CNGA1: variants seen among roughly 807,000 people sequenced by gnomAD.
The protein encoded by CNGA1 is cyclic nucleotide-gated channel alpha-1.
A neutral mutation model predicts 69.7 loss-of-function variants in CNGA1; 53 were observed. The ratio of observed to expected loss-of-function variants is 0.76; its 90% CI spans 0.61 to 0.96. The LOEUF is 0.96. CNGA1 is among the 40% of genes least tolerant of loss of function. CNGA1 has a pLI of 0.00. For synonymous variants in CNGA1, 249 were observed against 283.5 expected (o/e 0.88, Z 1.22); for missense variants, 739 against 811.2 (o/e 0.91, Z 1.08).
chr4:47,967,597 T>C (rs1369640507), intron 3 of CNGA1, among the ~76,000 whole-genome samples: 2 of 152,196 alleles, frequency 1.3e-5, no homozygotes, highest in African/African-American at 4.8e-5. Context: ...AATAAGTGAA[T>C]TTAGCAAGGT....
intron 8 of CNGA1, 29 bp from the exon 9 acceptor site, chr4:47,942,177 G>A (rs749622944): frequency 1.5e-6 from 2 of 1,328,806 alleles, no homozygotes; most frequent in African/African-American, 1.4e-5. Context: ...AAAGGGGATA[G>A]TTACCAAGAT....
intron 3 of CNGA1, among the ~76,000 whole-genome samples, chr4:47,969,301 T>C (rs745479095): frequency 6.6e-6 from 1 of 151,432 alleles, no homozygotes; most frequent in African/African-American, 2.4e-5. Flanking sequence ...GACAAATTTC[T>C]GGAGGCATGA....
chr4:47,968,481 C>T (rs1385048218), intron 3 of CNGA1, among the ~76,000 whole-genome samples: 1 of 151,880 alleles, frequency 6.6e-6, no homozygotes, highest in African/African-American at 2.4e-5. Context: ...AAACGGCTAA[C>T]ATCAGGTGGT....
At chr4:47,968,422 G>T (rs1391774695) in intron 3 of CNGA1, among the ~76,000 whole-genome samples, 1 of 152,092 alleles carries the variant, frequency 6.6e-6, no homozygotes, top group South Asian at 2.1e-4. Flanking sequence ...AATCAGGTGT[G>T]CTAACACAGT....
At position 47,982,824 on chromosome 4, in the gene CNGA1, A is replaced by C. The variant is rs75767840; in HGVS notation, c.-122-1324T>G. Among the ~76,000 whole-genome samples the C allele has an allele frequency of 9.0e-3, 1,370 of 152,102 alleles. 16 individuals are homozygous for C. Among genetic ancestry groups the C allele is most frequent in the African/African-American group, 0.03 (1,256 of 41,492 alleles). ...TTCAAAATGAACATTCTTTTTTTTA[A>C]GATGGAGTCTCGCTCTTTCGCCCAG... On this transcript the variant is annotated intron_variant, in intron 2 of 10. Coordinates refer to ENST00000514170, the MANE Select transcript of CNGA1 (RefSeq NM_001379270.1).
At chr4:47,966,511 T>C (rs1390377845) in intron 3 of CNGA1, among the ~76,000 whole-genome samples, 1 of 152,174 alleles carries the variant, frequency 6.6e-6, no homozygotes, top group East Asian at 1.9e-4. Context: ...GTAAGGCACA[T>C]AAATCTACAG....
chr4:47,950,770 A>G (rs967457257), intron 5 of CNGA1, among the ~76,000 whole-genome samples: 1 of 152,194 alleles, frequency 6.6e-6, no homozygotes, highest in Non-Finnish European at 1.5e-5. Flanking sequence ...CGGTATCTGA[A>G]GTTTTCACAA....
intron 3 of CNGA1, among the ~76,000 whole-genome samples, chr4:47,979,661 C>T (rs1741598387): frequency 6.6e-6 from 1 of 152,100 alleles, no homozygotes; most frequent in Non-Finnish European, 1.5e-5. Flanking sequence ...GATGCAGTAG[C>T]TTTTTTGGAG....
chr4:47,946,985 T>G (rs1327951904), intron 6 of CNGA1, among the ~76,000 whole-genome samples: 1 of 152,114 alleles, frequency 6.6e-6, no homozygotes, highest in Non-Finnish European at 1.5e-5. Flanking sequence ...GGTTTCACCA[T>G]GTAGGTTGGC....
intron 1 of CNGA1, among the ~76,000 whole-genome samples, chr4:48,013,742 G>T (rs1170019467): frequency 6.6e-6 from 1 of 152,114 alleles, no homozygotes; most frequent in Non-Finnish European, 1.5e-5. Context: ...AATAACCCAG[G>T]AATAATTAAG....
intron 2 of CNGA1, among the ~76,000 whole-genome samples, chr4:48,000,671 A>G (rs376708473): frequency 1.3e-5 from 2 of 151,888 alleles, no homozygotes; most frequent in Non-Finnish European, 2.9e-5. Context: ...CCCAGCAACA[A>G]TAAGTGATTT....
intron 2 of CNGA1, among the ~76,000 whole-genome samples, chr4:47,983,783 C>T (rs1032277267): frequency 6.6e-6 from 1 of 151,986 alleles, no homozygotes; most frequent in Non-Finnish European, 1.5e-5. Flanking sequence ...TCTTCAAATC[C>T]TAAAACAATT....
At chr4:47,954,813 G>T (rs1002186915) in intron 3 of CNGA1, among the ~76,000 whole-genome samples, 1 of 152,326 alleles carries the variant, frequency 6.6e-6, no homozygotes, top group East Asian at 1.9e-4. Context: ...TGAAGGGGGG[G>T]TAAAGCTGAA....
intron 7 of CNGA1, 38 bp from the exon 8 acceptor site, chr4:47,943,326 T>C (rs774237739): frequency 1.4e-6 from 2 of 1,423,614 alleles, no homozygotes; most frequent in South Asian, 1.3e-5. Context: ...AATACAGAAA[T>C]GTTATGGGCA....
At chr4:47,985,900 C>T (rs371795724) in intron 2 of CNGA1, among the ~76,000 whole-genome samples, 53 of 152,260 alleles carry the variant, frequency 3.5e-4, no homozygotes, top group African/African-American at 1.2e-3. Flanking sequence ...GGAAATAACA[C>T]CTACCTCATT....
At chr4:47,975,547 T>C (rs1741301541) in intron 3 of CNGA1, among the ~76,000 whole-genome samples, 1 of 152,162 alleles carries the variant, frequency 6.6e-6, no homozygotes, top group Admixed American at 6.5e-5. Flanking sequence ...AACAAAATAT[T>C]TTATAAGAAC....
At chr4:47,999,801 G>A (rs1009007336) in intron 2 of CNGA1, among the ~76,000 whole-genome samples, 4 of 152,158 alleles carry the variant, frequency 2.6e-5, no homozygotes, top group Non-Finnish European at 5.9e-5. Flanking sequence ...AACCCAGGAG[G>A]CAGAGGTTGT....
chr4:47,965,364 T>C (rs1468314958), intron 3 of CNGA1, among the ~76,000 whole-genome samples: 1 of 152,192 alleles, frequency 6.6e-6, no homozygotes, highest in Non-Finnish European at 1.5e-5. Context: ...AATATTAATA[T>C]GGTGAACTAT....
At chr4:47,967,016 A>C (rs769603580) in intron 3 of CNGA1, among the ~76,000 whole-genome samples, 15 of 152,176 alleles carry the variant, frequency 9.9e-5, no homozygotes, top group Non-Finnish European at 1.0e-4. Flanking sequence ...TCTACAGTTA[A>C]CATTGGCCAG....
Sources: gnomAD v4.1 joint callset for allele counts (sites outside exome capture counted in the v4.1 genomes callset) on GRCh38, gnomAD v4.1.1 for gene constraint, MANE v1.5 for transcripts, NCBI Gene and HGNC (gene_info 2026-07-23, HGNC 2026-07-21) for gene names.